PXDNL: variants seen among roughly 807,000 people sequenced by gnomAD.
The protein encoded by PXDNL is peroxidasin like.
A neutral mutation model predicts 150.8 loss-of-function variants in PXDNL; 145 were observed. The observed-to-expected ratio is 0.96, with a 90% CI of 0.84 to 1.10. PXDNL has a LOEUF of 1.10. Among genes scored for constraint, PXDNL ranks in the 50% least tolerant of loss-of-function variants. PXDNL has a pLI of 0.00. For missense variants in PXDNL, 2,087 were observed against 1,873.9 expected, an observed-to-expected ratio of 1.11 and a Z score of -2.10; for synonymous variants, 757 against 725.7, an observed-to-expected ratio of 1.04 and a Z score of -0.69.
At chr8:51,492,814 C>A (rs888313498) in intron 5 of PXDNL, among the ~76,000 whole-genome samples, 1 of 152,200 alleles carries the variant, frequency 6.6e-6, no homozygotes. Flanking sequence ...CCCACCGCAG[C>A]GTAAGGAGGC....
At chr8:51,488,561 C>A (rs376665249) in intron 5 of PXDNL, among the ~76,000 whole-genome samples, 1 of 152,052 alleles carries the variant, frequency 6.6e-6, no homozygotes, top group Non-Finnish European at 1.5e-5. Flanking sequence ...AGAAAAGTAA[C>A]GGAATTTTTG....
chr8:51,535,988 T>C (rs1812067358), intron 4 of PXDNL, among the ~76,000 whole-genome samples: 5 of 152,172 alleles, frequency 3.3e-5, no homozygotes, highest in South Asian at 4.1e-4. Flanking sequence ...ACCCCAGCCC[T>C]GGACTTGGGG....
At chr8:51,432,806 G>A (rs1004334590) in intron 12 of PXDNL, among the ~76,000 whole-genome samples, 9 of 152,116 alleles carry the variant, frequency 5.9e-5, no homozygotes, top group African/African-American at 1.4e-4. Flanking sequence ...AAAATTGTAC[G>A]TATTTCTTCT....
In PXDNL at chr8:51,809,380, C is replaced by A; in HGVS notation, c.-36G>T. 2.0e-6 allele frequency: 3 copies of A among 1,499,492 alleles called. No homozygotes were observed. The highest frequency in any genetic ancestry group is 1.3e-5 in the South Asian group (1 of 77,574). 92.9% of individuals were successfully genotyped at this position (1,499,492 alleles called of 1,614,324 possible). ...GCTGCTGGCCACGCGAAGAAGCAGC[C>A]GGAGGGAGAGCAGCAGCTGCAGCTG... On this transcript the variant is annotated 5_prime_UTR_variant, in exon 1 of 23. Coordinates refer to ENST00000356297, the MANE Select transcript of PXDNL (RefSeq NM_144651.5).
chr8:51,719,427 A>C (rs1035190618), intron 1 of PXDNL, among the ~76,000 whole-genome samples: 3 of 152,302 alleles, frequency 2.0e-5, no homozygotes, highest in East Asian at 1.9e-4. Context: ...TTTGTTAAAC[A>C]GATGCTTGAA....
At chr8:51,683,617 A>G (rs538549565) in intron 1 of PXDNL, among the ~76,000 whole-genome samples, 48 of 152,246 alleles carry the variant, frequency 3.2e-4, no homozygotes, top group African/African-American at 9.9e-4. Flanking sequence ...TACACTTAAA[A>G]TTTTGTTCAT....
chr8:51,699,612 G>T (rs1018893835), intron 1 of PXDNL, among the ~76,000 whole-genome samples: 4 of 152,154 alleles, frequency 2.6e-5, no homozygotes, highest in African/African-American at 7.2e-5. Context: ...TGGCTGTTCG[G>T]CACAAGAGGC....
chr8:51,462,541 A>G (rs1810106252), intron 8 of PXDNL, among the ~76,000 whole-genome samples: 1 of 152,226 alleles, frequency 6.6e-6, no homozygotes, highest in Non-Finnish European at 1.5e-5. Flanking sequence ...AAGCTGAGGC[A>G]AGAATCTCAG....
At chr8:51,494,955 A>G in intron 5 of PXDNL, among the ~76,000 whole-genome samples, 1 of 152,078 alleles carries the variant, frequency 6.6e-6, no homozygotes, top group East Asian at 1.9e-4. Flanking sequence ...AGAACTCTCC[A>G]CCCCAAATCA....
At chr8:51,766,936 T>A (rs2037238213) in intron 1 of PXDNL, among the ~76,000 whole-genome samples, 1 of 152,162 alleles carries the variant, frequency 6.6e-6, no homozygotes, top group Non-Finnish European at 1.5e-5. Flanking sequence ...TTTAGAACTA[T>A]GATCATGTGT....
At chr8:51,534,156 A>G (rs1448226405) in intron 4 of PXDNL, among the ~76,000 whole-genome samples, 2 of 139,444 alleles carry the variant, frequency 1.4e-5, no homozygotes, top group African/African-American at 3.1e-5. Context: ...GGATGTGAGG[A>G]GCGCCTCTGC....
chr8:51,496,709 A>T (rs1811060439), intron 5 of PXDNL, among the ~76,000 whole-genome samples: 1 of 152,188 alleles, frequency 6.6e-6, no homozygotes, highest in Non-Finnish European at 1.5e-5. Flanking sequence ...AGAATGAAAT[A>T]CCTAGGAATC....
intron 17 of PXDNL, among the ~76,000 whole-genome samples, chr8:51,391,837 G>A (rs2130840589): frequency 6.6e-6 from 1 of 152,240 alleles, no homozygotes; most frequent in East Asian, 1.9e-4. Context: ...GAATGGTAAT[G>A]CCTAGGTTTT....
chr8:51,414,295 A>G (rs889573033), intron 14 of PXDNL, among the ~76,000 whole-genome samples: 9 of 151,936 alleles, frequency 5.9e-5, no homozygotes, highest in African/African-American at 2.2e-4. Flanking sequence ...CCCATATAGC[A>G]TTCTCCATCT....
chr8:51,572,902 C>T (rs1243510857), intron 3 of PXDNL, among the ~76,000 whole-genome samples: 1 of 151,934 alleles, frequency 6.6e-6, no homozygotes, highest in Middle Eastern at 3.4e-3. Flanking sequence ...ATAAGACAAA[C>T]TAAAAGGCCT....
Position 51,675,069 on chromosome 8 carries a change from G to A in PXDNL, c.165-20309C>T, listed in dbSNP as rs74457625. ...TTCTATGTGGCCCATCATTTGCTAC[G>A]CACTCTCCTACTTCTTCAATGCACC... On this transcript the variant is annotated intron_variant, in intron 1 of 22. Coordinates refer to ENST00000356297, the MANE Select transcript of PXDNL (RefSeq NM_144651.5). Among the ~76,000 whole-genome samples the A allele has an allele frequency of 5.2e-3, 788 of 152,190 alleles. 4 individuals carry two copies. Among genetic ancestry groups the A allele is most frequent in the African/African-American group, 0.018 (737 of 41,522 alleles).
chr8:51,359,178 G>T (rs1418275631), intron 19 of PXDNL, among the ~76,000 whole-genome samples: 1 of 152,132 alleles, frequency 6.6e-6, no homozygotes, highest in Non-Finnish European at 1.5e-5. Flanking sequence ...GTCCATGAAA[G>T]GGTCCCGAAT....
intron 1 of PXDNL, among the ~76,000 whole-genome samples, chr8:51,763,389 A>G (rs2037188477): frequency 6.7e-6 from 1 of 150,366 alleles, no homozygotes; most frequent in African/African-American, 2.4e-5. Context: ...AAAAGGGACG[A>G]AGCCCCAGGC....
chr8:51,336,733 GTTTA>G (rs1208391507), intron 21 of PXDNL, among the ~76,000 whole-genome samples: 1 of 152,150 alleles, frequency 6.6e-6, no homozygotes, highest in Non-Finnish European at 1.5e-5. Flanking sequence ...GTTATGTCAT[GTTTA>G]TTTATTGTTT....
Sources: allele counts gnomAD v4.1 joint callset (sites outside exome capture counted in the v4.1 genomes callset), GRCh38; gene constraint gnomAD v4.1.1; transcripts MANE v1.5; gene names NCBI Gene and HGNC (gene_info 2026-07-23, HGNC 2026-07-21).